The following TMEM150A variants were observed in gnomAD, a reference collection of about 807,000 sequenced individuals.
TMEM150A encodes fasting-inducible integral membrane protein TM6P1.
In TMEM150A, 18 loss-of-function variants were observed where a neutral mutation model predicts 29.8. That is an observed-to-expected ratio of 0.60 (90% CI 0.42 to 0.90). The LOEUF is 0.90. Ranked by LOEUF, TMEM150A falls within the 40% of genes least tolerant of loss-of-function variation. The pLI is 0.00. For missense variants in TMEM150A, 251 were observed against 349.7 expected, an observed-to-expected ratio of 0.72 and a Z score of 2.25; for synonymous variants, 127 against 143.6, an observed-to-expected ratio of 0.88 and a Z score of 0.83.
Position 85,601,459 on chromosome 2 carries a change from T to C in TMEM150A, c.89A>G (p.His30Arg). ...CCAGTTCTCCACAGGGCATACATGGTGGTTCATCACAGCCATGGCATACCT... is the reference window on the plus strand; with the variant it reads ...CCAGTTCTCCACAGGGCATACATGGCGGTTCATCACAGCCATGGCATACCT... ...WTVYAMAVMNHHVCPVENWSY... is the reference protein window; with the variant it reads ...WTVYAMAVMNRHVCPVENWSY... Residue 30 changes from histidine to arginine, a missense_variant, in exon 3 of 8, where the codon CAC becomes CGC. By Grantham distance (29) the His-to-Arg change is conservative (BLOSUM62 0). Coordinates refer to ENST00000334462, the MANE Select transcript of TMEM150A (RefSeq NM_001031738.3). The surrounding 1 kb of genome is among the most constrained non-coding windows in gnomAD (Gnocchi z 4.0). 6.2e-7 allele frequency: 1 copy of C among 1,613,378 alleles called. No homozygotes were observed. Among genetic ancestry groups the C allele is most frequent in the Non-Finnish European group, 8.5e-7 (1 of 1,179,948 alleles).
rs773213370 is a variant in TMEM150A, at chr2:85,599,372, C to T, written c.575-55G>A. 1.2e-6 allele frequency: 2 copies of T among 1,603,716 alleles called. No individual in the cohort carries two copies. The highest frequency in any genetic ancestry group is 2.2e-5 in the South Asian group (2 of 90,196). ...GGACATACGGAAACCTGGCAACACC[C>T]CTTCTGCAGTCTCAGGCCTCACCTC... On this transcript the variant is annotated intron_variant, in intron 7 of 7. Transcript: ENST00000334462. This position sits in a 1 kb window ranked among gnomAD's most constrained non-coding sequence, Gnocchi z 6.0.
chr2:85,601,512 C>A lies in TMEM150A; in HGVS notation c.66-30G>T. On this transcript the variant is annotated intron_variant, in intron 2 of 7. Transcript: ENST00000334462. This position sits in a 1 kb window ranked among gnomAD's most constrained non-coding sequence, Gnocchi z 4.0. ...GGGAACAGAACTGTCACCCTGGCAG[C>A]CTTCCCGAGCCCCACTCAACCCACC... 1.9e-6 allele frequency: 3 copies of A among 1,605,414 alleles called. No homozygotes were observed. The East Asian group carries it at 6.7e-5, about 36-fold the overall frequency.
In TMEM150A at chr2:85,601,611, G is replaced by T; in HGVS notation, c.66-129C>A. On this transcript the variant is annotated intron_variant, in intron 2 of 7. Coordinates refer to ENST00000334462, the MANE Select transcript of TMEM150A (RefSeq NM_001031738.3). The surrounding 1 kb of genome is among the most constrained non-coding windows in gnomAD (Gnocchi z 4.0). ...TATTGTTGCTGGGGACTCAAGTTGA[G>T]GTCCCTAAGGCTTGATGCCACACCA... The T allele has an allele frequency of 1.8e-6, 2 of 1,099,758 alleles. No individual in the cohort carries two copies. The highest frequency in any genetic ancestry group is 2.6e-6 in the Non-Finnish European group (2 of 759,168). 68.1% of individuals were successfully genotyped at this position (1,099,758 alleles called of 1,614,324 possible). A position where few individuals can be genotyped will look rare whatever the true frequency, so the allele number is the denominator to read the frequency against.
chr2:85,599,467 G>A lies in TMEM150A; in HGVS notation c.574+58C>T. 6.4e-7 allele frequency: 1 copy of A among 1,572,676 alleles called. No homozygotes were observed. ...AGGCCTCCACCCCCCATCCTCTTGGGAGGGAGAAAGGTTGAGCTAGAGGAT... is the reference window on the plus strand; with the variant it reads ...AGGCCTCCACCCCCCATCCTCTTGGAAGGGAGAAAGGTTGAGCTAGAGGAT... On this transcript the variant is annotated intron_variant, in intron 7 of 7. Transcript: ENST00000334462. This position sits in a 1 kb window ranked among gnomAD's most constrained non-coding sequence, Gnocchi z 6.0.
At chr2:85,600,075 C>A in intron 5 of TMEM150A, 57 bp from the exon 6 acceptor site, 2 of 1,598,504 alleles carry the variant, frequency 1.3e-6, no homozygotes, top group Admixed American at 1.7e-5. Flanking sequence ...GCCCAGCGAG[C>A]CTGTCAGCTT....
Position 85,602,149 on chromosome 2 carries a change from C to T in TMEM150A, c.-116-85G>A, listed in dbSNP as rs912151441. 13 of 545,402 alleles carry T rather than the reference C, an allele frequency of 2.4e-5. No individual in the cohort carries two copies. Among genetic ancestry groups the T allele is most frequent in the Non-Finnish European group, 4.4e-5 (13 of 298,710 alleles). The allele number at this position is 545,402 out of a possible 1,614,324, so 33.8% of individuals were successfully genotyped here. ...GGGGTCAACACCTTATCCAGCGCTC[C>T]CGTTGGGTCTCTGAGCGTCCAAAGT... On this transcript the variant is annotated intron_variant, in intron 1 of 7. Transcript: ENST00000334462. This position sits in a 1 kb window ranked among gnomAD's most constrained non-coding sequence, Gnocchi z 5.6.
rs1362342272 is a variant in TMEM150A, at chr2:85,599,450, AC to A, written c.574+74del. On this transcript the variant is annotated intron_variant, in intron 7 of 7. Transcript: ENST00000334462. The surrounding 1 kb of genome is among the most constrained non-coding windows in gnomAD (Gnocchi z 6.0). ...CCCCACATGGCAGTGTTAGGCCTCCACCCCCCATCCTCTTGGGAGGGAGAAA... is the reference window on the plus strand; with the variant it reads ...CCCCACATGGCAGTGTTAGGCCTCCACCCCCATCCTCTTGGGAGGGAGAAA... 5 of 1,565,388 alleles carry A rather than the reference AC, an allele frequency of 3.2e-6. No individual in the cohort carries two copies. The highest frequency in any genetic ancestry group is 1.2e-5 in the South Asian group (1 of 82,712).
At position 85,600,422 on chromosome 2, in the gene TMEM150A, G is replaced by A; in HGVS notation, c.201-10C>T. 3 of 1,613,842 alleles carry A rather than the reference G, an allele frequency of 1.9e-6. No homozygotes were observed. Among genetic ancestry groups the A allele is most frequent in the Non-Finnish European group, 2.5e-6 (3 of 1,179,918 alleles). ...ATAGGAGCCACACTTGCTGCGAGGA[G>A]GGGGAAGGACAGAGTAAGAGGGGTG... On this transcript the variant is annotated splice_polypyrimidine_tract_variant and intron_variant, in intron 4 of 7. Transcript: ENST00000334462.
chr2:85,600,135 A>G (rs1672853347), intron 5 of TMEM150A, 117 bp from the exon 6 acceptor site: 2 of 1,435,922 alleles, frequency 1.4e-6, no homozygotes, highest in Non-Finnish European at 9.4e-7. Flanking sequence ...AGAAAGGAAC[A>G]GACAGGCGGG....
chr2:85,601,195 C>A lies in TMEM150A; in HGVS notation c.114-88G>T, dbSNP rs1399883011. On this transcript the variant is annotated intron_variant, in intron 3 of 7. Transcript: ENST00000334462. This position sits in a 1 kb window ranked among gnomAD's most constrained non-coding sequence, Gnocchi z 4.0. ...CCTCAGGCCTCAAAGAGGACTCTCT[C>A]CCAGACCTCCCCTACAGGGACAGAA... 2.2e-6 allele frequency: 3 copies of A among 1,369,908 alleles called. No homozygotes were observed. The highest frequency in any genetic ancestry group is 2.1e-6 in the Non-Finnish European group (2 of 975,040). 84.9% of individuals were successfully genotyped at this position (1,369,908 alleles called of 1,614,324 possible). A position where few individuals can be genotyped will look rare whatever the true frequency, so the allele number is the denominator to read the frequency against.
Position 85,601,851 on chromosome 2 carries a change from C to G in TMEM150A, c.65+33G>C. Reference sequence around the variant, plus strand: ...GAGACTTTGTGTGCGTCATCAAGCTCCTGTTGCCCCCCGGGCACCCCCCTT... The same window carrying G: ...GAGACTTTGTGTGCGTCATCAAGCTGCTGTTGCCCCCCGGGCACCCCCCTT... On this transcript the variant is annotated intron_variant, in intron 2 of 7. Coordinates refer to ENST00000334462, the MANE Select transcript of TMEM150A (RefSeq NM_001031738.3). The surrounding 1 kb of genome is among the most constrained non-coding windows in gnomAD (Gnocchi z 4.0). The G allele has an allele frequency of 6.2e-7, 1 of 1,611,698 alleles. No individual in the cohort carries two copies. The highest frequency in any genetic ancestry group is 8.5e-7 in the Non-Finnish European group (1 of 1,178,054).
rs565316916 is a variant in TMEM150A, at chr2:85,602,551, A to G, written c.-117+56T>C. 6.6e-6 allele frequency: 1 copy of G among 151,828 alleles called. No individual in the cohort carries two copies. Among genetic ancestry groups the G allele is most frequent in the South Asian group, 2.1e-4 (1 of 4,816 alleles). The allele number at this position is 151,828 out of a possible 1,614,324, so 9.4% of individuals were successfully genotyped here. A position where few individuals can be genotyped will look rare whatever the true frequency, so the allele number is the denominator to read the frequency against. On this transcript the variant is annotated intron_variant, in intron 1 of 7. Transcript: ENST00000334462. This position sits in a 1 kb window ranked among gnomAD's most constrained non-coding sequence, Gnocchi z 5.6. Reference sequence around the variant, plus strand: ...GCGACCCCCCAGGACCCGGGACGCGAGAGTCCCCAGGTGATTCCTGGAAGC... The same window carrying G: ...GCGACCCCCCAGGACCCGGGACGCGGGAGTCCCCAGGTGATTCCTGGAAGC...
rs762297489 is a variant in TMEM150A, at chr2:85,601,369, C to G, written c.113+66G>C. Reference sequence around the variant, plus strand: ...GTTGCAGTCTGGCTCGTGGCAGCCTCAGGCCCAAGAGGGGACAGAGATGAA... The same window carrying G: ...GTTGCAGTCTGGCTCGTGGCAGCCTGAGGCCCAAGAGGGGACAGAGATGAA... On this transcript the variant is annotated intron_variant, in intron 3 of 7. Transcript: ENST00000334462. This position sits in a 1 kb window ranked among gnomAD's most constrained non-coding sequence, Gnocchi z 4.0. 1 of 1,596,060 alleles carries G rather than the reference C, an allele frequency of 6.3e-7. No homozygotes were observed. The highest frequency in any genetic ancestry group is 1.1e-5 in the South Asian group (1 of 90,694).
rs565723966 is a variant in TMEM150A at position 85,598,808 on chromosome 2, C to T, written c.*268G>A. On this transcript the variant is annotated 3_prime_UTR_variant, in exon 8 of 8. Coordinates refer to ENST00000334462, the MANE Select transcript of TMEM150A (RefSeq NM_001031738.3). Reference sequence around the variant, plus strand: ...CTTTGGCACTGGGAGTAGAAGGCACCTGAAGGGCTGGCTGGGTGAGTGAGG... The same window carrying T: ...CTTTGGCACTGGGAGTAGAAGGCACTTGAAGGGCTGGCTGGGTGAGTGAGG... The T allele has an allele frequency of 2.2e-6, 1 of 445,896 alleles. No homozygotes were observed. Among genetic ancestry groups the T allele is most frequent in the East Asian group, 4.5e-5 (1 of 22,290 alleles). 27.6% of individuals were successfully genotyped at this position (445,896 alleles called of 1,614,324 possible).
rs1051159431 is a variant in TMEM150A at position 85,602,112 on chromosome 2, G to C, written c.-116-48C>G. Reference sequence around the variant, plus strand: ...CAGGAGTGGGTAACTGGCCGGGAAGGGGGAGGGGAAGGGGGTCAACACCTT... The same window carrying C: ...CAGGAGTGGGTAACTGGCCGGGAAGCGGGAGGGGAAGGGGGTCAACACCTT... On this transcript the variant is annotated intron_variant, in intron 1 of 7. Coordinates refer to ENST00000334462, the MANE Select transcript of TMEM150A (RefSeq NM_001031738.3). The surrounding 1 kb of genome is among the most constrained non-coding windows in gnomAD (Gnocchi z 5.6). 4.5e-5 allele frequency: 29 copies of C among 647,558 alleles called. No individual in the cohort carries two copies. The East Asian group carries it at 5.5e-4, about 12-fold the overall frequency. 40.1% of individuals were successfully genotyped at this position (647,558 alleles called of 1,614,324 possible).
rs1395302481 is a variant in TMEM150A, at chr2:85,599,393, ACCTCTCCAAAGGGAGAGGTGTTAGT to A, written c.575-101_575-77del. The A allele has an allele frequency of 3.1e-6, 5 of 1,590,174 alleles. No homozygotes were observed. In the African/African-American group the frequency reaches 5.4e-5, roughly 17 times the overall value. On this transcript the variant is annotated intron_variant, in intron 7 of 7. Coordinates refer to ENST00000334462, the MANE Select transcript of TMEM150A (RefSeq NM_001031738.3). This position sits in a 1 kb window ranked among gnomAD's most constrained non-coding sequence, Gnocchi z 6.0. ...CACCCCTTCTGCAGTCTCAGGCCTC[ACCTCTCCAAAGGGAGAGGTGTTAGT>A]CCTCTCCCCCACATGGCAGTGTTAG... is the stretch of plus-strand genomic sequence containing the variant.
intron 4 of TMEM150A, chr2:85,600,818 C>A (rs1170737780): frequency 5.2e-6 from 3 of 573,030 alleles, no homozygotes; most frequent in Non-Finnish European, 9.2e-6. Context: ...ACAATACCTG[C>A]CTCACTCCTG....
Position 85,601,281 on chromosome 2 carries a change from G to A in TMEM150A, c.113+154C>T, listed in dbSNP as rs749046563. The A allele has an allele frequency of 1.7e-5, 20 of 1,171,130 alleles. No homozygotes were observed. The highest frequency in any genetic ancestry group is 6.4e-6 in the Non-Finnish European group (5 of 780,094). The allele number at this position is 1,171,130 out of a possible 1,614,324, so 72.5% of individuals were successfully genotyped here. On this transcript the variant is annotated intron_variant, in intron 3 of 7. Transcript: ENST00000334462. This position sits in a 1 kb window ranked among gnomAD's most constrained non-coding sequence, Gnocchi z 4.0. The stretch of plus-strand genomic sequence containing the variant: ...CAAAGGGGCAAAGGGATAGTGGGAA[G>A]TGGGTAGGTGGCAAGAAGCCATGCC...
chr2:85,600,672 G>C, intron 4 of TMEM150A: 1 of 555,642 alleles, frequency 1.8e-6, no homozygotes, highest in Admixed American at 3.2e-5. Context: ...CCTGCGGCTG[G>C]TTTGGCTATC....
Sources: allele counts gnomAD v4.1 joint callset, GRCh38; gene constraint gnomAD v4.1.1; non-coding constraint Gnocchi (gnomAD v3.1); transcripts MANE v1.5; gene names NCBI Gene and HGNC (gene_info 2026-07-23, HGNC 2026-07-21).